Variants in LMF1 observed in about 807,000 individuals in gnomAD.
LMF1 encodes the protein transmembrane protein 112.
A neutral mutation model predicts 60.6 loss-of-function variants in LMF1; 68 were observed. The ratio of observed to expected loss-of-function variants is 1.12; its 90% CI spans 0.92 to 1.37. LMF1 has a LOEUF of 1.37. Among genes scored for constraint, LMF1 ranks in the 40% most tolerant of loss-of-function variants. LMF1 has a pLI of 0.00. For synonymous variants in LMF1, 418 were observed against 324.7 expected (o/e 1.29, Z -3.09); for missense variants, 948 against 767.2 (o/e 1.24, Z -2.78).
intron 5 of LMF1, among the ~76,000 whole-genome samples, chr16:891,352 G>A (rs1596921717): frequency 6.6e-6 from 1 of 152,378 alleles, no homozygotes; most frequent in East Asian, 1.9e-4. Flanking sequence ...GACGCCTGAT[G>A]CCGGCTTTGA....
At chr16:975,689 C>T (rs942542839), upstream of LMF1, 1 of 408,342 alleles carries the variant, frequency 2.4e-6, no homozygotes, top group African/African-American at 2.1e-5. Context: ...GCCCCTCGTA[C>T]CCGCCTGAGG....
At chr16:951,219 TC>T in intron 2 of LMF1, among the ~76,000 whole-genome samples, 1 of 134,338 alleles carries the variant, frequency 7.4e-6, no homozygotes, top group South Asian at 2.3e-4. Context: ...AATGACAGAG[TC>T]AGCTGACAGA....
intron 3 of LMF1, among the ~76,000 whole-genome samples, chr16:927,974 C>G (rs958162695): frequency 6.6e-6 from 1 of 152,192 alleles, no homozygotes; most frequent in Non-Finnish European, 1.5e-5. Flanking sequence ...AAGTTTCCCG[C>G]TTGGCAAGAG....
At chr16:965,538 G>A (rs187962098) in intron 1 of LMF1, among the ~76,000 whole-genome samples, 1 of 152,360 alleles carries the variant, frequency 6.6e-6, no homozygotes, top group Non-Finnish European at 1.5e-5. Context: ...CCAGGGAGAA[G>A]AAGAGTCAGA....
chr16:898,068 A>G (rs1270748463), intron 4 of LMF1, among the ~76,000 whole-genome samples: 1 of 152,226 alleles, frequency 6.6e-6, no homozygotes, highest in Non-Finnish European at 1.5e-5. Flanking sequence ...TGGGCTGAGC[A>G]TCAAAGTGAG....
At chr16:959,584 G>A (rs937195305) in intron 1 of LMF1, among the ~76,000 whole-genome samples, 7 of 152,210 alleles carry the variant, frequency 4.6e-5, no homozygotes, top group Non-Finnish European at 7.4e-5. Context: ...GGCTCCACAC[G>A]CACGGATGTG....
At position 869,862 on chromosome 16, in the gene LMF1, C is replaced by T. The variant is rs749907025; in HGVS notation, c.1416+21G>A. On this transcript the variant is annotated intron_variant, in intron 9 of 10. Transcript: ENST00000262301. ...GTGGGGTACAGGCAGGTCCATGCGC[C>T]CGCCAGGGACCGTCCCCCACCTGGA... 18 of 1,604,556 alleles carry T rather than the reference C, an allele frequency of 1.1e-5. No individual in the cohort carries two copies. In the African/African-American group the frequency reaches 1.7e-4, roughly 15 times the overall value.
chr16:909,261 G>A (rs2071044097), intron 4 of LMF1, among the ~76,000 whole-genome samples: 6 of 152,156 alleles, frequency 3.9e-5, no homozygotes, highest in Admixed American at 3.9e-4. Context: ...GAAAAGGAGG[G>A]CGCTGGGGAA....
At chr16:895,472 C>G (rs1037459966) in intron 4 of LMF1, among the ~76,000 whole-genome samples, 1 of 152,220 alleles carries the variant, frequency 6.6e-6, no homozygotes, top group African/African-American at 2.4e-5. Context: ...GGGCCCCTAG[C>G]CGGGGCCAGG....
Position 876,246 on chromosome 16 carries a change from G to C in LMF1, c.897+3324C>G, listed in dbSNP as rs146657925. On this transcript the variant is annotated intron_variant, in intron 6 of 10. Coordinates refer to ENST00000262301, the MANE Select transcript of LMF1 (RefSeq NM_022773.4). Reference sequence around the variant, plus strand: ...AGGAGCCCACGCGCGGCCGCGGAGGGCAGGAAGCCAGTCCGCAAAGGCTGC... The same window carrying C: ...AGGAGCCCACGCGCGGCCGCGGAGGCCAGGAAGCCAGTCCGCAAAGGCTGC... 1.3e-3 allele frequency among the ~76,000 whole-genome samples: 199 copies of C among 152,388 alleles called. 3 individuals carry two copies. The highest frequency in any genetic ancestry group is 4.4e-3 in the African/African-American group (184 of 41,596).
chr16:927,301 G>C (rs998070879), intron 3 of LMF1, among the ~76,000 whole-genome samples: 3 of 152,220 alleles, frequency 2.0e-5, no homozygotes, highest in Non-Finnish European at 2.9e-5. Context: ...ACTGAGACCA[G>C]AGACACGCAG....
chr16:871,066 C>T, intron 7 of LMF1, 95 bp downstream of exon 7: 1 of 1,426,728 alleles, frequency 7.0e-7, no homozygotes, highest in East Asian at 2.5e-5. Context: ...TCTCCTCCTA[C>T]CCTGGCGTCC....
At chr16:886,378 C>G (rs1244871600) in intron 5 of LMF1, among the ~76,000 whole-genome samples, 1 of 152,150 alleles carries the variant, frequency 6.6e-6, no homozygotes, top group Non-Finnish European at 1.5e-5. Flanking sequence ...AGCGGGAAAT[C>G]CAGGCCCACG....
At chr16:922,253 C>G (rs1474921012) in intron 3 of LMF1, among the ~76,000 whole-genome samples, 1 of 152,216 alleles carries the variant, frequency 6.6e-6, no homozygotes, top group Non-Finnish European at 1.5e-5. Context: ...GGTCCCTGCA[C>G]AATCTCGCCT....
At chr16:979,188 C>T (rs2073264209) in intron 1 of LMF1, 1 of 432,088 alleles carries the variant, frequency 2.3e-6, no homozygotes, top group East Asian at 7.1e-5. Context: ...AAAGCTCCGT[C>T]CCGGCGTCCT....
At chr16:892,447 C>T (rs1158876304) in intron 5 of LMF1, among the ~76,000 whole-genome samples, 1 of 152,204 alleles carries the variant, frequency 6.6e-6, no homozygotes, top group African/African-American at 2.4e-5. Context: ...GAGCTCCAGG[C>T]CCCAGACCAC....
Position 898,368 on chromosome 16 carries a change from C to T in LMF1, c.664-5296G>A, listed in dbSNP as rs531812105. On this transcript the variant is annotated intron_variant, in intron 4 of 10. Transcript: ENST00000262301. ...CGCAGAGCCTAGGGGACCCACGCTG[C>T]GGGCAGGGGCACTGACTTTCTGACC... 2.6e-4 allele frequency among the ~76,000 whole-genome samples: 39 copies of T among 152,348 alleles called. No individual in the cohort carries two copies. The East Asian group carries it at 3.9e-3, about 15-fold the overall frequency.
chr16:893,817 C>T (rs1391095768), intron 4 of LMF1, among the ~76,000 whole-genome samples: 6 of 152,116 alleles, frequency 3.9e-5, no homozygotes, highest in South Asian at 4.1e-4. Flanking sequence ...CCCCTCTTCC[C>T]GCTAACCCTA....
At chr16:956,266 T>G (rs2072702307) in intron 1 of LMF1, among the ~76,000 whole-genome samples, 1 of 151,332 alleles carries the variant, frequency 6.6e-6, no homozygotes, top group African/African-American at 2.4e-5. Flanking sequence ...GGTCTCCGAG[T>G]TCATGTCCCA....
Sources: gnomAD v4.1 joint callset for allele counts (sites outside exome capture counted in the v4.1 genomes callset) on GRCh38, gnomAD v4.1.1 for gene constraint, MANE v1.5 for transcripts, NCBI Gene and HGNC (gene_info 2026-07-23, HGNC 2026-07-21) for gene names.